The following TLK2 variants were observed in gnomAD, a reference collection of about 807,000 sequenced individuals.
TLK2 encodes tousled like kinase 2, also known as serine/threonine-protein kinase tousled-like 2.
A neutral mutation model predicts 117.3 loss-of-function variants in TLK2; 6 were observed. The ratio of observed to expected loss-of-function variants is 0.05; its 90% CI spans 0.03 to 0.10. TLK2 has a LOEUF of 0.10. TLK2 is among the 10% of genes least tolerant of loss of function. The pLI, the probability that TLK2 is intolerant of heterozygous loss-of-function variation, is 1.00. For synonymous variants in TLK2, 257 were observed against 316.7 expected (o/e 0.81, Z 2.00); for missense variants, 299 against 901.2 (o/e 0.33, Z 8.56).
chr17:62,540,399 A>ATTTTTTTTTTTTTTT (rs1567879183), intron 7 of TLK2, among the ~76,000 whole-genome samples: 2 of 13,376 alleles, frequency 1.5e-4, no homozygotes, highest in African/African-American at 1.9e-4. Flanking sequence ...ATATGTTCAG[A>ATTTTTTTTTTTTTTT]ATTTTTTTTT....
At chr17:62,490,146 C>T (rs1185982473) in intron 2 of TLK2, among the ~76,000 whole-genome samples, 2 of 152,258 alleles carry the variant, frequency 1.3e-5, no homozygotes, top group African/African-American at 4.8e-5. Context: ...AGAATATTCT[C>T]AGCCGTTATC....
rs552455456 is a variant in TLK2, at chr17:62,523,478, G to A, written c.267+301G>A. On this transcript the variant is annotated intron_variant, in intron 5 of 21. Transcript: ENST00000346027. ...ACTTATAGTCCTGGCTACTTGGGAGGCTGAGGTGGGAGGATCACTTGAGCC... is the reference window on the plus strand; with the variant it reads ...ACTTATAGTCCTGGCTACTTGGGAGACTGAGGTGGGAGGATCACTTGAGCC... Among the ~76,000 whole-genome samples the A allele has an allele frequency of 2.6e-3, 391 of 152,338 alleles. 1 individual carries two copies. Among genetic ancestry groups the A allele is most frequent in the African/African-American group, 8.9e-3 (370 of 41,580 alleles).
chr17:62,532,646 AT>A (rs1362064719), intron 6 of TLK2, among the ~76,000 whole-genome samples: 1 of 152,222 alleles, frequency 6.6e-6, no homozygotes, highest in Non-Finnish European at 1.5e-5. Context: ...AAGAACTGTT[AT>A]TAGAGAGTAT....
intron 21 of TLK2, among the ~76,000 whole-genome samples, chr17:62,609,351 AGAATTATAG>A (rs1351624874): frequency 6.6e-6 from 1 of 152,164 alleles, no homozygotes; most frequent in East Asian, 1.9e-4. Flanking sequence ...CCAAAGTGCT[AGAATTATAG>A]GTATGAGCCA....
intron 15 of TLK2, among the ~76,000 whole-genome samples, chr17:62,583,004 T>C (rs933807204): frequency 6.6e-6 from 1 of 152,250 alleles, no homozygotes; most frequent in Non-Finnish European, 1.5e-5. Context: ...ATGTACCACA[T>C]TTTGTTTATC....
intron 6 of TLK2, among the ~76,000 whole-genome samples, chr17:62,535,270 T>C (rs2077036551): frequency 1.3e-5 from 2 of 152,188 alleles, no homozygotes; most frequent in South Asian, 2.1e-4. Flanking sequence ...TATCCCTCCC[T>C]AAAGTTAATG....
At chr17:62,552,655 T>A (rs932463603) in intron 8 of TLK2, among the ~76,000 whole-genome samples, 1 of 150,932 alleles carries the variant, frequency 6.6e-6, no homozygotes, top group African/African-American at 2.4e-5. Flanking sequence ...TTAAGGAAAC[T>A]GCACACCTTT....
At chr17:62,589,195 AT>A (rs1447665994) in intron 16 of TLK2, among the ~76,000 whole-genome samples, 1 of 152,128 alleles carries the variant, frequency 6.6e-6, no homozygotes, top group East Asian at 1.9e-4. Context: ...AAAAATTTTT[AT>A]TTTAAAAATT....
intron 12 of TLK2, among the ~76,000 whole-genome samples, chr17:62,576,403 G>C (rs1163155502): frequency 6.6e-6 from 1 of 152,168 alleles, no homozygotes; most frequent in Non-Finnish European, 1.5e-5. Flanking sequence ...GTCTCTGAAT[G>C]AGTTTTTATC....
At chr17:62,516,786 C>G in intron 2 of TLK2, 1 of 1,436,002 alleles carries the variant, frequency 7.0e-7, no homozygotes, top group Non-Finnish European at 9.6e-7. Context: ...CTGCAGGGTC[C>G]GGGGCCGGGG....
intron 9 of TLK2, among the ~76,000 whole-genome samples, chr17:62,559,291 A>G (rs1000404865): frequency 2.8e-5 from 3 of 108,634 alleles, no homozygotes; most frequent in Non-Finnish European, 6.9e-5. Context: ...GAAAAAGAAC[A>G]AAGCAAACAT....
chr17:62,564,474 T>C (rs1217702592), intron 10 of TLK2, among the ~76,000 whole-genome samples: 16 of 146,826 alleles, frequency 1.1e-4, no homozygotes, highest in African/African-American at 4.1e-4. Flanking sequence ...AGGTGGAGGT[T>C]GCAGTGAGCC....
intron 11 of TLK2, among the ~76,000 whole-genome samples, chr17:62,569,581 A>G (rs1022577851): frequency 4.6e-5 from 7 of 151,120 alleles, no homozygotes; most frequent in Admixed American, 1.3e-4. Context: ...GACTACAGGC[A>G]CACACCACCA....
chr17:62,584,946 G>A (rs931943788), intron 15 of TLK2, among the ~76,000 whole-genome samples: 1 of 152,214 alleles, frequency 6.6e-6, no homozygotes, highest in Non-Finnish European at 1.5e-5. Context: ...TGAAACTGAA[G>A]TAGTAAGCTT....
chr17:62,543,006 T>C (rs561060214), intron 7 of TLK2, among the ~76,000 whole-genome samples: 10 of 152,164 alleles, frequency 6.6e-5, no homozygotes, highest in Non-Finnish European at 1.0e-4. Context: ...TTTCTTATCA[T>C]CTGTGCCTGT....
At chr17:62,519,246 G>A (rs896175580) in intron 2 of TLK2, among the ~76,000 whole-genome samples, 63 of 152,060 alleles carry the variant, frequency 4.1e-4, no homozygotes, top group Middle Eastern at 3.2e-3. Context: ...TTTTGCCTGT[G>A]GCTATCTACT....
At chr17:62,594,106 TA>T (rs1201659010) in intron 16 of TLK2, among the ~76,000 whole-genome samples, 1 of 150,952 alleles carries the variant, frequency 6.6e-6, no homozygotes, top group Non-Finnish European at 1.5e-5. Context: ...AAAATTTAAA[TA>T]ATTAAAAAGT....
chr17:62,503,781 T>G (rs1222015724), intron 2 of TLK2, among the ~76,000 whole-genome samples: 1 of 146,486 alleles, frequency 6.8e-6, no homozygotes, highest in Non-Finnish European at 1.5e-5. Flanking sequence ...CAGGCTGGAG[T>G]GTAATGGCGT....
chr17:62,574,350 CT>C, intron 12 of TLK2: 1 of 1,547,802 alleles, frequency 6.5e-7, no homozygotes, highest in Non-Finnish European at 8.7e-7. Context: ...GCTAGGCCCT[CT>C]TCTGGGAATA....
Sources: gnomAD v4.1 joint callset for allele counts (sites outside exome capture counted in the v4.1 genomes callset) on GRCh38, gnomAD v4.1.1 for gene constraint, MANE v1.5 for transcripts, NCBI Gene and HGNC (gene_info 2026-07-23, HGNC 2026-07-21) for gene names.